Variants in ATL2 observed in about 807,000 individuals in gnomAD.
The protein encoded by ATL2 is atlastin GTPase 2.
In ATL2, 31 loss-of-function variants were observed where a neutral mutation model predicts 73.9. The observed-to-expected ratio is 0.42, with a 90% CI of 0.32 to 0.57. The LOEUF (loss-of-function observed/expected upper bound fraction) is 0.57. Ranked by LOEUF, ATL2 falls within the 20% of genes least tolerant of loss-of-function variation. The pLI is 0.14. For missense variants in ATL2, 738 were observed against 702.6 expected, an observed-to-expected ratio of 1.05 and a Z score of -0.57; for synonymous variants, 291 against 237.5, an observed-to-expected ratio of 1.23 and a Z score of -2.07.
At chr2:38,376,114 ACC>A (rs1671946195) in intron 1 of ATL2, 1 of 1,513,370 alleles carries the variant, frequency 6.6e-7, no homozygotes. Flanking sequence ...GGCCGTACTT[ACC>A]AAATCGTAGG....
At chr2:38,340,092 G>C (rs1669617856) in intron 2 of ATL2, among the ~76,000 whole-genome samples, 1 of 141,394 alleles carries the variant, frequency 7.1e-6, no homozygotes, top group Admixed American at 7.9e-5. Flanking sequence ...AATACCTATG[G>C]TATGATTTCA....
At chr2:38,319,479 G>C (rs1196456404) in intron 2 of ATL2, among the ~76,000 whole-genome samples, 4 of 151,560 alleles carry the variant, frequency 2.6e-5, no homozygotes, top group Non-Finnish European at 5.9e-5. Context: ...CACTCCTGTA[G>C]TCCCGGCTAC....
intron 2 of ATL2, among the ~76,000 whole-genome samples, chr2:38,340,087 C>G (rs1024577875): frequency 7.0e-6 from 1 of 143,128 alleles, no homozygotes; most frequent in Non-Finnish European, 1.5e-5. Context: ...CACATAATAC[C>G]TATGGTATGA....
chr2:38,348,226 G>T (rs866011992), intron 1 of ATL2, among the ~76,000 whole-genome samples: 1 of 152,004 alleles, frequency 6.6e-6, no homozygotes, highest in African/African-American at 2.4e-5. Context: ...CAACAATTTG[G>T]GAGGCTGAGG....
At chr2:38,361,692 A>C (rs1671025835) in intron 1 of ATL2, among the ~76,000 whole-genome samples, 1 of 152,168 alleles carries the variant, frequency 6.6e-6, no homozygotes, top group Non-Finnish European at 1.5e-5. Flanking sequence ...CATTTTTGTA[A>C]GTTTGAAATA....
intron 9 of ATL2, among the ~76,000 whole-genome samples, chr2:38,300,937 T>C (rs907637380): frequency 1.3e-5 from 2 of 151,564 alleles, no homozygotes; most frequent in East Asian, 1.9e-4. Flanking sequence ...AGATAAGAGT[T>C]TGTTAGAAGT....
At chr2:38,333,477 G>T (rs1669121568) in intron 2 of ATL2, among the ~76,000 whole-genome samples, 1 of 152,142 alleles carries the variant, frequency 6.6e-6, no homozygotes, top group Non-Finnish European at 1.5e-5. Flanking sequence ...TCTAAAACTG[G>T]TGGTTGAGTA....
chr2:38,366,080 TA>T (rs949369132), intron 1 of ATL2, among the ~76,000 whole-genome samples: 4 of 133,920 alleles, frequency 3.0e-5, no homozygotes, highest in African/African-American at 1.1e-4. Context: ...TCCAACTAGA[TA>T]AAATGTGACT....
chr2:38,314,750 T>C, intron 5 of ATL2, 86 bp from the exon 6 acceptor site: 1 of 795,374 alleles, frequency 1.3e-6, no homozygotes, highest in Admixed American at 2.7e-5. Flanking sequence ...AAGCTCCAGG[T>C]ACCAGAACCT....
chr2:38,310,251 A>C (rs1558394715), intron 8 of ATL2, 58 bp downstream of exon 8: 18 of 1,578,758 alleles, frequency 1.1e-5, no homozygotes, highest in Non-Finnish European at 1.5e-5. Flanking sequence ...TATTTTCTTA[A>C]AAAACTTTCC....
chr2:38,310,496 T>G, intron 7 of ATL2, 49 bp from the exon 8 acceptor site: 1 of 1,533,690 alleles, frequency 6.5e-7, no homozygotes, highest in African/African-American at 1.4e-5. Flanking sequence ...GAAAGAAAAT[T>G]TTTTTAAAGA....
chr2:38,323,121 G>A (rs1304109981), intron 2 of ATL2, among the ~76,000 whole-genome samples: 1 of 152,084 alleles, frequency 6.6e-6, no homozygotes, highest in East Asian at 1.9e-4. Flanking sequence ...GGGAGCTAAA[G>A]GCAGCCTTGC....
Position 38,299,394 on chromosome 2 carries a change from C to T in ATL2, c.1129-67G>A. The T allele has an allele frequency of 2.8e-6, 4 of 1,443,342 alleles. No homozygotes were observed. In the South Asian group the frequency reaches 4.3e-5, roughly 16 times the overall value. 89.4% of individuals were successfully genotyped at this position (1,443,342 alleles called of 1,614,324 possible). A position where few individuals can be genotyped will look rare whatever the true frequency, so the allele number is the denominator to read the frequency against. ...ATGACTCTAAAAATTCTGATTAACA[C>T]AATAAGTTATGTACAATAAACAAGT... On this transcript the variant is annotated intron_variant, in intron 10 of 12. Coordinates refer to ENST00000378954, the MANE Select transcript of ATL2 (RefSeq NM_001135673.4).
At position 38,377,139 on chromosome 2, in the gene ATL2, G is replaced by A. The variant is rs754744625; in HGVS notation, c.118+4C>T. On this transcript the variant is annotated splice_donor_region_variant and intron_variant, in intron 1 of 12. Transcript: ENST00000378954. ...CCCGCGGCCTCTGCCTCGCTGGCCCGTACCTAGGGAGGTCGTGGACGAGAC... is the reference window on the plus strand; with the variant it reads ...CCCGCGGCCTCTGCCTCGCTGGCCCATACCTAGGGAGGTCGTGGACGAGAC... 3.7e-6 allele frequency: 6 copies of A among 1,609,626 alleles called. No homozygotes were observed. In the South Asian group the frequency reaches 5.5e-5, roughly 15 times the overall value.
intron 2 of ATL2, among the ~76,000 whole-genome samples, chr2:38,337,619 A>C (rs924376711): frequency 2.0e-5 from 3 of 151,450 alleles, no homozygotes; most frequent in African/African-American, 7.3e-5. Flanking sequence ...CTTATTTTTA[A>C]GAGACACATA....
intron 11 of ATL2, 90 bp downstream of exon 11, chr2:38,299,166 C>G: frequency 3.2e-6 from 4 of 1,246,286 alleles, no homozygotes; most frequent in Non-Finnish European, 4.2e-6. Context: ...CACAAATTCG[C>G]TCAATTATTT....
chr2:38,305,944 G>A (rs1421236723), intron 9 of ATL2, among the ~76,000 whole-genome samples: 1 of 151,588 alleles, frequency 6.6e-6, no homozygotes, highest in Non-Finnish European at 1.5e-5. Context: ...CAATACAAAA[G>A]ATCAATGAAG....
intron 2 of ATL2, among the ~76,000 whole-genome samples, chr2:38,330,142 G>GAA (rs58004868): frequency 5.4e-5 from 5 of 92,526 alleles, no homozygotes; most frequent in African/African-American, 1.6e-4. Context: ...AGAAAAGAAA[G>GAA]AAAAAAAAAA....
At chr2:38,374,846 T>G (rs957466730) in intron 1 of ATL2, among the ~76,000 whole-genome samples, 1 of 152,220 alleles carries the variant, frequency 6.6e-6, no homozygotes, top group Non-Finnish European at 1.5e-5. Context: ...TTCCAAAACT[T>G]TAAAGTTACA....
Sources: allele counts gnomAD v4.1 joint callset (sites outside exome capture counted in the v4.1 genomes callset), GRCh38; gene constraint gnomAD v4.1.1; transcripts MANE v1.5; gene names NCBI Gene and HGNC (gene_info 2026-07-23, HGNC 2026-07-21).